THSD7B: variants seen among roughly 807,000 people sequenced by gnomAD.
The protein encoded by THSD7B is thrombospondin type-1 domain-containing protein 7B.
Under a neutral mutation model 213.6 loss-of-function variants are expected in THSD7B, and 138 were observed. The ratio of observed to expected loss-of-function variants is 0.65; its 90% CI spans 0.56 to 0.74. THSD7B has a LOEUF of 0.74. Among genes scored for constraint, THSD7B ranks in the 30% least tolerant of loss-of-function variants. THSD7B has a pLI of 0.00. For missense variants in THSD7B, 1,931 were observed against 1,991.5 expected (o/e 0.97, Z 0.58); for synonymous variants, 742 against 687.0 (o/e 1.08, Z -1.25).
At chr2:137,517,541 G>T (rs563719360) in intron 15 of THSD7B, among the ~76,000 whole-genome samples, 1 of 152,092 alleles carries the variant, frequency 6.6e-6, no homozygotes, top group Non-Finnish European at 1.5e-5. Flanking sequence ...ATGTCTAGTG[G>T]GCCTATTTGA....
chr2:136,994,553 A>C (rs1214145865), intron 2 of THSD7B, among the ~76,000 whole-genome samples: 1 of 152,146 alleles, frequency 6.6e-6, no homozygotes, highest in Non-Finnish European at 1.5e-5. Context: ...GGACTGAGGG[A>C]AGCTCTGTCT....
chr2:137,072,748 G>C (rs934904392), intron 3 of THSD7B, among the ~76,000 whole-genome samples: 16 of 152,186 alleles, frequency 1.1e-4, no homozygotes, highest in South Asian at 6.2e-4. Context: ...GTTTCTCATA[G>C]ATAGCTCTTA....
chr2:137,421,487 T>C (rs1317337512), intron 14 of THSD7B, among the ~76,000 whole-genome samples: 2 of 152,160 alleles, frequency 1.3e-5, no homozygotes, highest in African/African-American at 4.8e-5. Context: ...TTTATTGGCT[T>C]ATTCTAAAGG....
At chr2:137,016,309 A>G (rs1255839322) in intron 2 of THSD7B, among the ~76,000 whole-genome samples, 1 of 152,158 alleles carries the variant, frequency 6.6e-6, no homozygotes, top group Admixed American at 6.5e-5. Flanking sequence ...ATGAATAATT[A>G]GATAAAAGAA....
At chr2:137,106,334 G>T (rs1015555170) in intron 4 of THSD7B, among the ~76,000 whole-genome samples, 1 of 152,118 alleles carries the variant, frequency 6.6e-6, no homozygotes, top group African/African-American at 2.4e-5. Context: ...GGGAAAACTG[G>T]CTAGCCATAT....
chr2:137,326,493 C>G (rs1684377850), intron 12 of THSD7B, among the ~76,000 whole-genome samples: 1 of 152,094 alleles, frequency 6.6e-6, no homozygotes, highest in Non-Finnish European at 1.5e-5. Context: ...AAAAAAACTT[C>G]AAAGCAGGTT....
chr2:137,283,213 T>C (rs1434674473), intron 12 of THSD7B, among the ~76,000 whole-genome samples: 1 of 152,206 alleles, frequency 6.6e-6, no homozygotes, highest in East Asian at 1.9e-4. Flanking sequence ...TGTTTGTCTA[T>C]TATTGGTGTA....
intron 2 of THSD7B, among the ~76,000 whole-genome samples, chr2:136,910,793 G>A (rs956704988): frequency 6.6e-6 from 1 of 151,500 alleles, no homozygotes; most frequent in African/African-American, 2.4e-5. Context: ...TTAATTTAAC[G>A]ATATAATGAT....
At chr2:137,367,635 C>G (rs951825958) in intron 12 of THSD7B, among the ~76,000 whole-genome samples, 2 of 152,086 alleles carry the variant, frequency 1.3e-5, no homozygotes, top group Admixed American at 6.6e-5. Flanking sequence ...CAAAACACCA[C>G]AGACTGAGTG....
chr2:137,614,303 A>G (rs1327469304), intron 17 of THSD7B, among the ~76,000 whole-genome samples: 3 of 152,136 alleles, frequency 2.0e-5, no homozygotes, highest in Non-Finnish European at 4.4e-5. Context: ...TTTCTCATCT[A>G]GGTTTAGATG....
At chr2:136,890,330 T>C (rs183795737) in intron 2 of THSD7B, among the ~76,000 whole-genome samples, 3,195 of 8,420 alleles carry the variant, frequency 0.38, 118 homozygotes, top group Middle Eastern at 0.5. Context: ...TTCTTCTTCT[T>C]CTTCTTCTTC....
intron 13 of THSD7B, among the ~76,000 whole-genome samples, chr2:137,407,794 G>A (rs372137897): frequency 1.3e-5 from 2 of 151,948 alleles, no homozygotes; most frequent in African/African-American, 2.4e-5. Context: ...TTCACTGAGC[G>A]TTCTGTATGT....
chr2:137,304,663 T>C (rs1214610943), intron 12 of THSD7B, among the ~76,000 whole-genome samples: 3 of 152,108 alleles, frequency 2.0e-5, no homozygotes, highest in Admixed American at 6.5e-5. Context: ...ATTGTTTTTC[T>C]AGAAAACTCT....
intron 2 of THSD7B, among the ~76,000 whole-genome samples, chr2:136,999,747 C>A (rs1174540099): frequency 7.3e-6 from 1 of 136,472 alleles, no homozygotes; most frequent in African/African-American, 2.9e-5. Context: ...AAATATTGCA[C>A]CCCCCTTAAT....
Position 137,518,520 on chromosome 2 carries a change from G to A in THSD7B, c.3139-44701G>A, listed in dbSNP as rs182067673. Among the ~76,000 whole-genome samples, 214 of 152,350 alleles carry A rather than the reference G, an allele frequency of 1.4e-3. 2 individuals carry two copies. The highest frequency in any genetic ancestry group is 3.7e-3 in the Admixed American group (57 of 15,310). ...AAAATTGGTGACCAAAAAATTTGGC[G>A]ATGAGGTATGTGGATGGAACTCTCT... On this transcript the variant is annotated intron_variant, in intron 15 of 27. Transcript: ENST00000409968.
At chr2:136,928,478 G>A (rs1684577369) in intron 2 of THSD7B, among the ~76,000 whole-genome samples, 1 of 152,108 alleles carries the variant, frequency 6.6e-6, no homozygotes, top group South Asian at 2.1e-4. Context: ...TGACATTATT[G>A]TAATCCAATG....
intron 7 of THSD7B, among the ~76,000 whole-genome samples, chr2:137,199,706 T>C (rs2105022950): frequency 6.6e-6 from 1 of 152,314 alleles, no homozygotes; most frequent in East Asian, 1.9e-4. Context: ...TTTTTGCTTT[T>C]GATAAGTAAG....
At chr2:136,880,968 G>A (rs1683611915) in intron 1 of THSD7B, among the ~76,000 whole-genome samples, 1 of 152,092 alleles carries the variant, frequency 6.6e-6, no homozygotes, top group Admixed American at 6.6e-5. Flanking sequence ...CCCAACCTAT[G>A]TTTTAAATCT....
chr2:137,101,921 C>T (rs1253876333), intron 4 of THSD7B, among the ~76,000 whole-genome samples: 3 of 152,216 alleles, frequency 2.0e-5, no homozygotes, highest in African/African-American at 7.2e-5. Flanking sequence ...TCCCATCTCC[C>T]TAGGACAGAG....
Sources: gnomAD v4.1 joint callset for allele counts (sites outside exome capture counted in the v4.1 genomes callset) on GRCh38, gnomAD v4.1.1 for gene constraint, MANE v1.5 for transcripts, NCBI Gene and HGNC (gene_info 2026-07-23, HGNC 2026-07-21) for gene names.